RHOBTB1: variants seen among roughly 807,000 people sequenced by gnomAD.
The protein encoded by RHOBTB1 is rho-related BTB domain-containing protein 1.
A neutral mutation model predicts 71.6 loss-of-function variants in RHOBTB1; 40 were observed. The observed-to-expected ratio is 0.56, with a 90% CI of 0.43 to 0.73. The LOEUF (loss-of-function observed/expected upper bound fraction) is 0.73. RHOBTB1 is among the 30% of genes least tolerant of loss of function. The probability of loss-of-function intolerance (pLI) is 0.00; values close to 1 mark genes in which losing one functional copy is unlikely to be tolerated. For missense variants in RHOBTB1, 797 were observed against 894.0 expected (o/e 0.89, Z 1.38); for synonymous variants, 319 against 334.9 (o/e 0.95, Z 0.52).
chr10:60,970,980 T>G (rs947793604), intron 2 of RHOBTB1, among the ~76,000 whole-genome samples: 1 of 152,054 alleles, frequency 6.6e-6, no homozygotes, highest in African/African-American at 2.4e-5. Context: ...TTCAGAGAAC[T>G]TTTGTGACGA....
intron 4 of RHOBTB1, among the ~76,000 whole-genome samples, chr10:60,910,324 T>G (rs2082901939): frequency 6.6e-6 from 1 of 152,212 alleles, no homozygotes; most frequent in Non-Finnish European, 1.5e-5. Context: ...TTTTTCTCCT[T>G]TTTAAAAAAA....
chr10:60,965,341 TA>T (rs1480496196), intron 2 of RHOBTB1, among the ~76,000 whole-genome samples: 1 of 152,130 alleles, frequency 6.6e-6, no homozygotes, highest in Non-Finnish European at 1.5e-5. Context: ...CTTAGTTTTT[TA>T]AAGTCTCATA....
chr10:60,940,306 T>C (rs1411282760), intron 2 of RHOBTB1, among the ~76,000 whole-genome samples: 1 of 152,140 alleles, frequency 6.6e-6, no homozygotes, highest in Non-Finnish European at 1.5e-5. Flanking sequence ...TATATAAAAT[T>C]AGCTAAGAAG....
chr10:60,925,816 G>A (rs2083845589), intron 2 of RHOBTB1, among the ~76,000 whole-genome samples: 1 of 152,060 alleles, frequency 6.6e-6, no homozygotes, highest in Non-Finnish European at 1.5e-5. Context: ...TAGAAGAAAT[G>A]GACAAATTCC....
At chr10:60,889,812 T>C (rs1342385277) in intron 5 of RHOBTB1, among the ~76,000 whole-genome samples, 3 of 152,222 alleles carry the variant, frequency 2.0e-5, no homozygotes, top group African/African-American at 7.2e-5. Context: ...TGAAGGACTA[T>C]TGAAATGTTT....
rs767115133 is a variant in RHOBTB1, at chr10:60,871,580, G to C, written c.1993C>G (p.Arg665Gly). ...TCCTTCTCTCGTTCCCTTTTCACAC[G>C]CTGGTAGTGATCTTCTTCCTTCAGG... is the stretch of plus-strand genomic sequence containing the variant. Reference protein sequence around the residue: ...WYLKEEDHYQRVKREREKEDI... With the variant: ...WYLKEEDHYQGVKREREKEDI... Residue 665 changes from arginine to glycine, a missense_variant, in exon 11 of 11, where the codon CGT (arginine) becomes GGT (glycine). Around this residue, in one of 2 missense-constraint regions of RHOBTB1, gnomAD observed 658 missense variants for 681.5 expected, o/e 0.97. Transcript: ENST00000337910. 6.2e-7 allele frequency: 1 copy of C among 1,613,954 alleles called. No homozygotes were observed. The highest frequency in any genetic ancestry group is 8.5e-7 in the Non-Finnish European group (1 of 1,179,950).
chr10:60,863,288 T>C, the RHOBTB1 span, among the ~76,000 whole-genome samples: 8 of 152,218 alleles, frequency 5.3e-5, no homozygotes, highest in Non-Finnish European at 1.5e-5. Context: ...AATAATTATG[T>C]TTTAGGTTCT....
rs756049087 is a variant in RHOBTB1 at position 60,872,160 on chromosome 10, G to A, written c.1921+25C>T. ...CCATGAGAGGTGAGGAGAGCTGGAT[G>A]AATGGGGGCCTCACACAGTCTCACC... is the stretch of plus-strand genomic sequence containing the variant. On this transcript the variant is annotated intron_variant, in intron 10 of 10. Transcript: ENST00000337910. The A allele has an allele frequency of 4.0e-6, 6 of 1,504,944 alleles. No homozygotes were observed. The South Asian group carries it at 6.7e-5, about 17-fold the overall frequency. The allele number at this position is 1,504,944 out of a possible 1,614,324, so 93.2% of individuals were successfully genotyped here.
chr10:60,964,183 G>A (rs971308470), intron 2 of RHOBTB1, among the ~76,000 whole-genome samples: 7 of 152,042 alleles, frequency 4.6e-5, no homozygotes, highest in Admixed American at 1.3e-4. Context: ...CTAATATGTA[G>A]TGGTTTTGCT....
chr10:60,932,513 T>TAAAAAAAAAAAAAAAAAAAAA (rs3049595), intron 2 of RHOBTB1, among the ~76,000 whole-genome samples: 1 of 107,968 alleles, frequency 9.3e-6, no homozygotes, highest in Non-Finnish European at 1.8e-5. Flanking sequence ...TTTCTTAAAG[T>TAAAAAAAAAAAAAAAAAAAAA]AAAAAAAAAA....
intron 1 of RHOBTB1, among the ~76,000 whole-genome samples, chr10:61,000,115 T>C (rs577793860): frequency 4.3e-4 from 65 of 152,370 alleles, no homozygotes; most frequent in Non-Finnish European, 5.7e-4. Flanking sequence ...GGAAGCATTT[T>C]ACAAATCTTT....
At chr10:60,978,434 T>C (rs780430504) in intron 2 of RHOBTB1, among the ~76,000 whole-genome samples, 4 of 152,190 alleles carry the variant, frequency 2.6e-5, no homozygotes, top group Non-Finnish European at 5.9e-5. Flanking sequence ...GTGGAAGTTA[T>C]TAACATGATT....
At chr10:60,864,997 C>T (rs2080630636), downstream of RHOBTB1, among the ~76,000 whole-genome samples, 2 of 152,090 alleles carry the variant, frequency 1.3e-5, no homozygotes, top group African/African-American at 4.8e-5. Flanking sequence ...GGCTTGACTA[C>T]TTATTTTAAA....
At chr10:60,921,848 A>G (rs1413236718) in intron 2 of RHOBTB1, among the ~76,000 whole-genome samples, 2 of 152,198 alleles carry the variant, frequency 1.3e-5, no homozygotes, top group Admixed American at 1.3e-4. Context: ...CCATCACAAG[A>G]GCAGTGTTTG....
At chr10:60,867,536 G>T (rs1272584027), downstream of RHOBTB1, among the ~76,000 whole-genome samples, 1 of 152,228 alleles carries the variant, frequency 6.6e-6, no homozygotes, top group Non-Finnish European at 1.5e-5. Context: ...TGCTACTGTT[G>T]TTGATAATTC....
At chr10:61,001,744 TG>T (rs1411946960), upstream of RHOBTB1, among the ~76,000 whole-genome samples, 2 of 152,154 alleles carry the variant, frequency 1.3e-5, no homozygotes, top group Admixed American at 6.5e-5. Context: ...CGCTGGCGCG[TG>T]GGGCTCCTAC....
chr10:60,866,269 T>C (rs1199915242), downstream of RHOBTB1, among the ~76,000 whole-genome samples: 2 of 152,190 alleles, frequency 1.3e-5, no homozygotes, highest in East Asian at 3.9e-4. Context: ...TATGGGAGGC[T>C]AGGCAGCCCT....
At chr10:60,998,023 C>T (rs1245055032) in intron 1 of RHOBTB1, among the ~76,000 whole-genome samples, 2 of 152,184 alleles carry the variant, frequency 1.3e-5, no homozygotes, top group Non-Finnish European at 1.5e-5. Flanking sequence ...TAGCTGATCT[C>T]TAAGGTATTG....
chr10:60,862,791 CCTTT>C, the RHOBTB1 span, among the ~76,000 whole-genome samples: 17 of 145,990 alleles, frequency 1.2e-4, no homozygotes, highest in South Asian at 2.6e-3. Flanking sequence ...TTTCTTTCTT[CCTTT>C]CTTTCTTTTC....
Sources: allele counts gnomAD v4.1 joint callset (sites outside exome capture counted in the v4.1 genomes callset), GRCh38; gene constraint gnomAD v4.1.1; regional missense constraint gnomAD v4.1.1; transcripts MANE v1.5; gene names NCBI Gene and HGNC (gene_info 2026-07-23, HGNC 2026-07-21).